C3: variants seen among roughly 807,000 people sequenced by gnomAD.
C3 encodes the protein C3 and PZP-like alpha-2-macroglobulin domain-containing protein 1.
C3 carries 97 observed loss-of-function variants against 207.9 expected under a neutral mutation model. The observed-to-expected ratio is 0.47, with a 90% CI of 0.40 to 0.55. The LOEUF is 0.55. Ranked by LOEUF, C3 falls within the 20% of genes least tolerant of loss-of-function variation. C3 has a pLI of 0.00. For missense variants in C3, 1,684 were observed against 2,171.7 expected, an observed-to-expected ratio of 0.78 and a Z score of 4.46; for synonymous variants, 848 against 857.6, an observed-to-expected ratio of 0.99 and a Z score of 0.20.
In C3 at chr19:6,710,673, A is replaced by G; in HGVS notation, c.1652T>C (p.Val551Ala). The change falls in exon 13 of 41, where the codon GTG becomes GCG. Residue 551 changes from valine (V) to alanine (A), a missense_variant. Val to Ala is a moderately conservative substitution (Grantham distance 64, BLOSUM62 0). Coordinates refer to ENST00000245907, the MANE Select transcript of C3 (RefSeq NM_000064.4). ...SGQREVVADS[V>A]WVDVKDSCVG... Reference sequence around the variant, plus strand: ...GCAGGAGTCCTTGACGTCCACCCACACGGAGTCGGCCACCACCTCCCTCTG... The same window carrying G: ...GCAGGAGTCCTTGACGTCCACCCACGCGGAGTCGGCCACCACCTCCCTCTG... 3.1e-6 allele frequency: 5 copies of G among 1,613,324 alleles called. No individual in the cohort carries two copies. Among genetic ancestry groups the G allele is most frequent in the Non-Finnish European group, 4.2e-6 (5 of 1,179,850 alleles).
At chr19:6,715,768 C>A (rs1568227870) in intron 4 of C3, among the ~76,000 whole-genome samples, 1 of 150,916 alleles carries the variant, frequency 6.6e-6, no homozygotes, top group Non-Finnish European at 1.5e-5. Flanking sequence ...ACTACAGGTG[C>A]CCGCCACCAC....
At chr19:6,706,821 CCCT>C (rs1458302900) in intron 17 of C3, among the ~76,000 whole-genome samples, 2 of 147,356 alleles carry the variant, frequency 1.4e-5, no homozygotes, top group African/African-American at 5.1e-5. Flanking sequence ...ACCTCCTCCC[CCCT>C]CAAGGCCTCC....
chr19:6,694,512 C>A lies in C3; in HGVS notation c.3073G>T (p.Val1025Leu). 1 of 1,614,144 alleles carries A rather than the reference C, an allele frequency of 6.2e-7. No individual in the cohort carries two copies. Among genetic ancestry groups the A allele is most frequent in the Non-Finnish European group, 8.5e-7 (1 of 1,180,000 alleles). ...MIGMTPTVIA[V>L]HYLDETEQWE... is the part of the protein sequence containing the mutation. ...TGCTCCGTTTCATCCAGGTAATGCA[C>A]AGCGATGACCGTGGGCGTCATGCCG... The change falls in exon 24 of 41, where the codon GTG becomes TTG. Residue 1025 changes from valine to leucine, a missense_variant. Val to Leu is a conservative substitution (Grantham distance 32). Around this residue, in one of 3 missense-constraint regions of C3, gnomAD observed 1,280 missense variants for 1,739.1 expected, o/e 0.74. Coordinates refer to ENST00000245907, the MANE Select transcript of C3 (RefSeq NM_000064.4).
chr19:6,718,003 C>G lies in C3; in HGVS notation c.504+91G>C, dbSNP rs148076635. 1.8e-4 allele frequency: 238 copies of G among 1,287,596 alleles called. No homozygotes were observed. The African/African-American group carries it at 2.7e-3, about 15-fold the overall frequency. The allele number at this position is 1,287,596 out of a possible 1,614,324, so 79.8% of individuals were successfully genotyped here. A position where few individuals can be genotyped will look rare whatever the true frequency, so the allele number is the denominator to read the frequency against. The stretch of plus-strand genomic sequence containing the variant: ...CCTCTGTGTCTCTGCCACTGCACCC[C>G]TTCCGGTGTGTCTTTCTCTGTCTCT... On this transcript the variant is annotated intron_variant, in intron 4 of 40. Transcript: ENST00000245907.
At chr19:6,693,199 T>C (rs1918209502) in intron 25 of C3, 116 bp from the exon 26 acceptor site, 1 of 1,306,322 alleles carries the variant, frequency 7.7e-7, no homozygotes, top group African/African-American at 1.5e-5. Flanking sequence ...CTGGTTTGCC[T>C]TCCCAGGCCC....
chr19:6,679,309 C>G (rs957097059), intron 37 of C3, 98 bp downstream of exon 37: 2 of 1,445,488 alleles, frequency 1.4e-6, no homozygotes, highest in Non-Finnish European at 1.9e-6. Flanking sequence ...CCTTGGTATC[C>G]CCTGGGTATG....
rs774283772 is a variant in C3, at chr19:6,684,618, A to C, written c.4062T>G (p.Asp1354Glu). The C allele has an allele frequency of 4.3e-6, 7 of 1,614,038 alleles. No individual in the cohort carries two copies. Among genetic ancestry groups the C allele is most frequent in the Non-Finnish European group, 5.9e-6 (7 of 1,179,986 alleles). The change falls in exon 32 of 41, where the codon GAT becomes GAG. Residue 1354 changes from aspartate (D) to glutamate (E), a missense_variant. Around this residue, in one of 3 missense-constraint regions of C3, gnomAD observed 1,280 missense variants for 1,739.1 expected, o/e 0.74. Transcript: ENST00000245907. ...VVTMYHAKAK[D>E]QLTCNKFDLK... Reference sequence around the variant, plus strand: ...GGTCGAATTTATTACAGGTGAGTTGATCTTTGGCCTTAGCATGGTACATTG... The same window carrying C: ...GGTCGAATTTATTACAGGTGAGTTGCTCTTTGGCCTTAGCATGGTACATTG...
chr19:6,694,644 G>A lies in C3; in HGVS notation c.2951-10C>T, dbSNP rs1399498230. On this transcript the variant is annotated splice_polypyrimidine_tract_variant and intron_variant, in intron 23 of 40. Transcript: ENST00000245907. ...TGGGCCACTGGGGTCCCTGCAGCAGGTGGGAAGAGGACGTTGCTCAAGCCA... is the reference window on the plus strand; with the variant it reads ...TGGGCCACTGGGGTCCCTGCAGCAGATGGGAAGAGGACGTTGCTCAAGCCA... 1.2e-6 allele frequency: 2 copies of A among 1,609,628 alleles called. No individual in the cohort carries two copies. Among genetic ancestry groups the A allele is most frequent in the Admixed American group, 3.3e-5 (2 of 59,994 alleles).
At chr19:6,697,593 G>T in intron 20 of C3, 37 bp from the exon 21 acceptor site, 1 of 1,613,742 alleles carries the variant, frequency 6.2e-7, no homozygotes, top group East Asian at 2.2e-5. Context: ...AAGTGTGTGT[G>T]CAACAGGCTA....
intron 31 of C3, 32 bp downstream of exon 31, chr19:6,684,743 G>A (rs748628230): frequency 4.3e-6 from 7 of 1,612,614 alleles, no homozygotes; most frequent in East Asian, 2.2e-5. Context: ...AGAGGGGCAT[G>A]GGCCAGGCAG....
At position 6,712,922 on chromosome 19, in the gene C3, T is replaced by C. The variant is rs1232050453; in HGVS notation, c.1003+267A>G. 2.4e-5 allele frequency among the ~76,000 whole-genome samples: 3 copies of C among 125,952 alleles called. No homozygotes were observed. In the East Asian group the frequency reaches 6.9e-4, roughly 29 times the overall value. 82.6% of individuals were successfully genotyped at this position (125,952 alleles called of 152,430 possible). ...CATCTTTATACTGGCCCTGCCTCCC[T>C]CATCAGACTGGACACAGACTTCATA... is the stretch of plus-strand genomic sequence containing the variant. On this transcript the variant is annotated intron_variant, in intron 9 of 40. Coordinates refer to ENST00000245907, the MANE Select transcript of C3 (RefSeq NM_000064.4).
In C3 at chr19:6,711,193, G is replaced by T; in HGVS notation, c.1273C>A (p.Arg425Ser). ...TCCGAGAGCTCCTGCTTCTTCGTGC[G>T]CACCTGGGTGGGGAAAGAGGGATGC... ...PSQKPLSITV[R>S]TKKQELSEAE... The change falls in exon 12 of 41, where the codon CGC becomes AGC. Residue 425 changes from arginine to serine, a missense_variant. This residue lies in a region of C3 where 1,280 missense variants were observed against 1,739.1 expected (regional missense o/e 0.74). Coordinates refer to ENST00000245907, the MANE Select transcript of C3 (RefSeq NM_000064.4). The T allele has an allele frequency of 6.2e-7, 1 of 1,611,836 alleles. No homozygotes were observed. Among genetic ancestry groups the T allele is most frequent in the South Asian group, 1.1e-5 (1 of 91,066 alleles).
rs771471321 is a variant in C3 at position 6,702,588 on chromosome 19, G to T, written c.2246-9C>A. 2.1e-5 allele frequency: 33 copies of T among 1,571,236 alleles called. No homozygotes were observed. Among genetic ancestry groups the T allele is most frequent in the Non-Finnish European group, 2.8e-5 (32 of 1,140,904 alleles). On this transcript the variant is annotated splice_polypyrimidine_tract_variant and intron_variant, in intron 17 of 40. Coordinates refer to ENST00000245907, the MANE Select transcript of C3 (RefSeq NM_000064.4). The stretch of plus-strand genomic sequence containing the variant: ...GTCCTCATCCAGGTTACCTGCAGGG[G>T]GTTTAGATCTGCATTTAGAACAGAG...
At chr19:6,714,572 A>G in intron 4 of C3, 126 bp from the exon 5 acceptor site, 1 of 753,296 alleles carries the variant, frequency 1.3e-6, no homozygotes, top group Non-Finnish European at 2.3e-6. Context: ...GGTTAAGAAC[A>G]GGGACCCAGG....
chr19:6,712,648 G>T, intron 9 of C3, 25 bp from the exon 10 acceptor site: 2 of 1,588,178 alleles, frequency 1.3e-6, no homozygotes, highest in Non-Finnish European at 1.7e-6. Flanking sequence ...TGTGAGTGTA[G>T]GCTTCTGGGC....
In C3 at chr19:6,677,789, G is replaced by T; in HGVS notation, c.*93C>A. 6.7e-7 allele frequency: 1 copy of T among 1,500,676 alleles called. No homozygotes were observed. Among genetic ancestry groups the T allele is most frequent in the Non-Finnish European group, 9.2e-7 (1 of 1,088,386 alleles). 93.0% of individuals were successfully genotyped at this position (1,500,676 alleles called of 1,614,324 possible). On this transcript the variant is annotated 3_prime_UTR_variant, in exon 41 of 41. Transcript: ENST00000245907. ...ATGGAGCTGAGCTGCAGGTGAGGCG[G>T]CTGGGGATTTCAGCCTCTCCCTCTT...
At chr19:6,715,317 T>A (rs898402845) in intron 4 of C3, among the ~76,000 whole-genome samples, 6 of 151,850 alleles carry the variant, frequency 4.0e-5, no homozygotes, top group Admixed American at 2.0e-4. Flanking sequence ...TCTACAAAAA[T>A]TTTTTAAAAT....
Position 6,711,210 on chromosome 19 carries a change from G to A in C3, c.1270-14C>T. On this transcript the variant is annotated splice_polypyrimidine_tract_variant and intron_variant, in intron 11 of 40. Transcript: ENST00000245907. ...CTTCGTGCGCACCTGGGTGGGGAAAGAGGGATGCCTGCTGGTCGCCGCCCG... is the reference window on the plus strand; with the variant it reads ...CTTCGTGCGCACCTGGGTGGGGAAAAAGGGATGCCTGCTGGTCGCCGCCCG... The A allele has an allele frequency of 6.2e-7, 1 of 1,608,794 alleles. No homozygotes were observed. Among genetic ancestry groups the A allele is most frequent in the Non-Finnish European group, 8.5e-7 (1 of 1,178,528 alleles).
chr19:6,686,968 C>T lies in C3; in HGVS notation c.3490-66G>A, dbSNP rs1326838976. On this transcript the variant is annotated intron_variant, in intron 27 of 40. Coordinates refer to ENST00000245907, the MANE Select transcript of C3 (RefSeq NM_000064.4). ...TGCTGTCACGTTAGTAAGGATCATT[C>T]GAGCAGCACTTCCTGAGCATCAGGG... 1.7e-5 allele frequency: 25 copies of T among 1,500,204 alleles called. 1 individual carries two copies. Among genetic ancestry groups the T allele is most frequent in the East Asian group, 4.5e-5 (2 of 44,312 alleles). 92.9% of individuals were successfully genotyped at this position (1,500,204 alleles called of 1,614,324 possible).
Sources: gnomAD v4.1 joint callset for allele counts (sites outside exome capture counted in the v4.1 genomes callset) on GRCh38, gnomAD v4.1.1 for gene constraint, gnomAD v4.1.1 regional missense constraint, MANE v1.5 for transcripts, NCBI Gene and HGNC (gene_info 2026-07-23, HGNC 2026-07-21) for gene names.